The following OTULINL variants were observed in gnomAD, a reference collection of about 807,000 sequenced individuals.
OTULINL encodes the protein inactive ubiquitin thioesterase OTULINL.
A neutral mutation model predicts 43.9 loss-of-function variants in OTULINL; 42 were observed. The observed-to-expected ratio is 0.96, with a 90% confidence interval of 0.75 to 1.24. OTULINL has a LOEUF of 1.24. OTULINL is among the 50% of genes most tolerant of loss of function. The pLI is 0.00. For synonymous variants in OTULINL, 172 were observed against 153.6 expected (o/e 1.12, Z -0.88); for missense variants, 411 against 426.4 (o/e 0.96, Z 0.32).
chr5:14,586,875 C>CAAA (rs768331767), intron 1 of OTULINL, among the ~76,000 whole-genome samples: 2 of 138,508 alleles, frequency 1.4e-5, no homozygotes, highest in Admixed American at 7.2e-5. Context: ...TTCACTGTTT[C>CAAA]AAAAAAAAAA....
chr5:14,598,458 C>T (rs1289345993), intron 1 of OTULINL, among the ~76,000 whole-genome samples: 2 of 152,320 alleles, frequency 1.3e-5, no homozygotes, highest in Admixed American at 6.5e-5. Context: ...TGAAAATGTG[C>T]ACACCCTGTG....
intron 1 of OTULINL, among the ~76,000 whole-genome samples, chr5:14,587,093 T>A (rs1254293694): frequency 1.3e-5 from 2 of 152,212 alleles, no homozygotes; most frequent in African/African-American, 4.8e-5. Flanking sequence ...CATAGACTGT[T>A]CTCTGTAGCA....
intron 1 of OTULINL, among the ~76,000 whole-genome samples, chr5:14,597,973 G>A (rs564490646): frequency 8.7e-4 from 132 of 152,294 alleles, no homozygotes; most frequent in Non-Finnish European, 1.7e-3. Context: ...CATGTGGTAG[G>A]AAGAGTATAT....
At position 14,615,179 on chromosome 5, in the gene OTULINL, C is replaced by G. The variant is rs981230743; in HGVS notation, c.*4865C>G. Among the ~76,000 whole-genome samples, 1 of 152,234 alleles carries G rather than the reference C, an allele frequency of 6.6e-6. No individual in the cohort carries two copies. The highest frequency in any genetic ancestry group is 1.5e-5 in the Non-Finnish European group (1 of 68,040). ...GGAATGCTTTAAGGATGGTTTGTGA[C>G]TTTACCCCATTGTGCCTTATCATTT... On this transcript the variant is annotated 3_prime_UTR_variant, in exon 8 of 8. Coordinates refer to ENST00000274217, the MANE Select transcript of OTULINL (RefSeq NM_019018.3).
chr5:14,606,842 G>A (rs1430096143), intron 5 of OTULINL, among the ~76,000 whole-genome samples: 1 of 152,194 alleles, frequency 6.6e-6, no homozygotes, highest in East Asian at 1.9e-4. Flanking sequence ...GAAATTGTAA[G>A]AATATGATGT....
At chr5:14,597,929 G>T (rs1461580751) in intron 1 of OTULINL, among the ~76,000 whole-genome samples, 1 of 152,310 alleles carries the variant, frequency 6.6e-6, no homozygotes, top group East Asian at 1.9e-4. Flanking sequence ...CAATCTCTTG[G>T]ATTGTAGGTG....
intron 1 of OTULINL, among the ~76,000 whole-genome samples, chr5:14,584,023 A>G (rs147080571): frequency 2.0e-5 from 3 of 152,356 alleles, no homozygotes; most frequent in African/African-American, 7.2e-5. Context: ...TGTTAGATGC[A>G]TCGAAGAAAC....
chr5:14,609,152 C>T (rs1759530983), intron 7 of OTULINL, 135 bp downstream of exon 7: 2 of 874,580 alleles, frequency 2.3e-6, no homozygotes, highest in East Asian at 2.4e-5. Context: ...ATTATCGCCC[C>T]TCAAATGAGG....
rs1440108528 is a variant in OTULINL, at chr5:14,607,378, T to G, written c.547T>G (p.Tyr183Asp). ...ACAAGGTTGTAATTGGATTCAGCAG[T>G]ACAGTTTTGGTCCTGAGAAGTATAC... ...FSQGCNWIQQ[Y>D]SFGPEKYTGS... Residue 183 changes from tyrosine to aspartate, a missense_variant, in exon 6 of 8, where the codon TAC becomes GAC. Coordinates refer to ENST00000274217, the MANE Select transcript of OTULINL (RefSeq NM_019018.3). The G allele has an allele frequency of 1.2e-6, 2 of 1,614,214 alleles. No individual in the cohort carries two copies. Among genetic ancestry groups the G allele is most frequent in the Non-Finnish European group, 1.7e-6 (2 of 1,180,024 alleles).
chr5:14,611,790 C>T lies in OTULINL; in HGVS notation c.*1476C>T, dbSNP rs533584685. ...TTAAAATCTTGCTAATTATATATTA[C>T]TTCAAAGTCACAAATCCCTTTCTAA... On this transcript the variant is annotated 3_prime_UTR_variant, in exon 8 of 8. Coordinates refer to ENST00000274217, the MANE Select transcript of OTULINL (RefSeq NM_019018.3). 1.3e-5 allele frequency: 2 copies of T among 151,970 alleles called. No individual in the cohort carries two copies. The highest frequency in any genetic ancestry group is 4.1e-4 in the South Asian group (2 of 4,822). The allele number at this position is 151,970 out of a possible 1,614,324, so 9.4% of individuals were successfully genotyped here. A position where few individuals can be genotyped will look rare whatever the true frequency, so the allele number is the denominator to read the frequency against.
Position 14,615,718 on chromosome 5 carries a change from G to A in OTULINL, c.*5404G>A, listed in dbSNP as rs1759662913. Among the ~76,000 whole-genome samples the A allele has an allele frequency of 6.6e-6, 1 of 152,188 alleles. No individual in the cohort carries two copies. The highest frequency in any genetic ancestry group is 1.5e-5 in the Non-Finnish European group (1 of 68,032). On this transcript the variant is annotated 3_prime_UTR_variant, in exon 8 of 8. Coordinates refer to ENST00000274217, the MANE Select transcript of OTULINL (RefSeq NM_019018.3). ...GCCCCAGAGTATATTTGATCTATTGGTTAACTCATCTGTCAGCAAATGGTT... is the reference window on the plus strand; with the variant it reads ...GCCCCAGAGTATATTTGATCTATTGATTAACTCATCTGTCAGCAAATGGTT...
At chr5:14,601,326 G>A in intron 3 of OTULINL, 25 bp from the exon 4 acceptor site, 2 of 1,612,502 alleles carry the variant, frequency 1.2e-6, no homozygotes, top group Non-Finnish European at 1.7e-6. Flanking sequence ...AGAATTAACA[G>A]CTTTTTATTT....
At chr5:14,607,655 T>C (rs1184432540) in intron 6 of OTULINL, among the ~76,000 whole-genome samples, 197 bp downstream of exon 6, 1 of 152,212 alleles carries the variant, frequency 6.6e-6, no homozygotes, top group East Asian at 1.9e-4. Flanking sequence ...AACATTGTTC[T>C]ACACGATAAT....
intron 1 of OTULINL, among the ~76,000 whole-genome samples, chr5:14,590,719 G>A (rs1406222775): frequency 6.6e-6 from 1 of 152,164 alleles, no homozygotes; most frequent in Non-Finnish European, 1.5e-5. Context: ...GGCTTTATAA[G>A]CCACTGACTG....
At chr5:14,592,644 A>G (rs1759224011) in intron 1 of OTULINL, among the ~76,000 whole-genome samples, 1 of 152,210 alleles carries the variant, frequency 6.6e-6, no homozygotes, top group Non-Finnish European at 1.5e-5. Flanking sequence ...GAAGCCTAAA[A>G]AACAAGTAGA....
intron 1 of OTULINL, among the ~76,000 whole-genome samples, chr5:14,589,960 T>C (rs868673508): frequency 2.0e-5 from 3 of 152,054 alleles, no homozygotes; most frequent in South Asian, 2.1e-4. Context: ...AAATTTTTTT[T>C]CAGAAAAGTT....
At position 14,611,511 on chromosome 5, in the gene OTULINL, C is replaced by T. The variant is rs1044725646; in HGVS notation, c.*1197C>T. The T allele has an allele frequency of 2.6e-5, 4 of 152,242 alleles. No homozygotes were observed. The highest frequency in any genetic ancestry group is 9.6e-5 in the African/African-American group (4 of 41,456). The allele number at this position is 152,242 out of a possible 1,614,324, so 9.4% of individuals were successfully genotyped here. A position where few individuals can be genotyped will look rare whatever the true frequency, so the allele number is the denominator to read the frequency against. ...TTCCCCATAGCCTCCAGAAGGAACGCAGCCCTGCCAACACCTTGATTTTAG... is the reference window on the plus strand; with the variant it reads ...TTCCCCATAGCCTCCAGAAGGAACGTAGCCCTGCCAACACCTTGATTTTAG... On this transcript the variant is annotated 3_prime_UTR_variant, in exon 8 of 8. Transcript: ENST00000274217.
intron 1 of OTULINL, among the ~76,000 whole-genome samples, chr5:14,599,718 T>C (rs779861258): frequency 4.3e-4 from 65 of 152,354 alleles, no homozygotes; most frequent in Middle Eastern, 3.4e-3. Flanking sequence ...TTCAAAGTCC[T>C]CTTTCTCATT....
In OTULINL at chr5:14,601,027, A is replaced by G; in HGVS notation, c.127A>G (p.Met43Val). The change falls in exon 2 of 8, where the codon ATG becomes GTG. Residue 43 changes from methionine (M) to valine (V), a missense_variant. By Grantham distance (21) the Met-to-Val change is conservative. Coordinates refer to ENST00000274217, the MANE Select transcript of OTULINL (RefSeq NM_019018.3). ...TSQALDTVWRMAKGFVMLAVS... is the reference protein window; with the variant it reads ...TSQALDTVWRVAKGFVMLAVS... Reference sequence around the variant, plus strand: ...CCAAGCCTTAGACACTGTCTGGAGAATGGCAAAAGGCTTTGTGATGTTGGC... The same window carrying G: ...CCAAGCCTTAGACACTGTCTGGAGAGTGGCAAAAGGCTTTGTGATGTTGGC... 6.2e-7 allele frequency: 1 copy of G among 1,611,962 alleles called. No homozygotes were observed. Among genetic ancestry groups the G allele is most frequent in the Non-Finnish European group, 8.5e-7 (1 of 1,179,542 alleles).
Sources: gnomAD v4.1 joint callset for allele counts (sites outside exome capture counted in the v4.1 genomes callset) on GRCh38, gnomAD v4.1.1 for gene constraint, MANE v1.5 for transcripts, NCBI Gene and HGNC (gene_info 2026-07-23, HGNC 2026-07-21) for gene names.